STAG2: variants seen among roughly 807,000 people sequenced by gnomAD.
STAG2 encodes the protein cohesin subunit SA-2.
A neutral mutation model predicts 108.1 loss-of-function variants in STAG2; 14 were observed. The ratio of observed to expected loss-of-function variants is 0.13; its 90% confidence interval spans 0.09 to 0.20. STAG2 has a LOEUF of 0.20. STAG2 is among the 10% of genes least tolerant of loss of function. The probability of loss-of-function intolerance (pLI) is 1.00; values close to 1 mark genes in which losing one functional copy is unlikely to be tolerated. For missense variants in STAG2, 440 were observed against 940.9 expected (o/e 0.47, Z 6.96); for synonymous variants, 307 against 302.7 (o/e 1.01, Z -0.15).
At position 124,062,907 on chromosome X, in the gene STAG2, T is replaced by C. The variant is rs1459603090; in HGVS notation, c.1644T>C (p.Leu548=). The C allele has an allele frequency of 8.3e-7, 1 of 1,207,963 alleles. No homozygotes were observed. Among genetic ancestry groups the C allele is most frequent in the Admixed American group, 2.2e-5 (1 of 45,946 alleles). ...PVGRGTGKRV[L]TAKEKKTQLD... Reference sequence around the variant, plus strand: ...AAGTCTTTCTGTTCCTTTAGGTGCTTACAGCAAAGGAGAAGAAGACACAGT... The same window carrying C: ...AAGTCTTTCTGTTCCTTTAGGTGCTCACAGCAAAGGAGAAGAAGACACAGT... The change falls in exon 18 of 35, where the codon CTT becomes CTC. Residue 548 remains leucine (L), a synonymous_variant. Coordinates refer to ENST00000371145, the MANE Select transcript of STAG2 (RefSeq NM_001042750.2).
At chrX:124,024,969 T>C (rs1291063291) in intron 3 of STAG2, among the ~76,000 whole-genome samples, 1 of 111,805 alleles carries the variant, frequency 8.9e-6, no homozygotes, top group Admixed American at 9.6e-5. Context: ...GATAGACTCA[T>C]GTTTACTCAT....
intron 30 of STAG2, among the ~76,000 whole-genome samples, 154 bp downstream of exon 30, chrX:124,086,924 A>G (rs963969536): frequency 2.7e-5 from 3 of 112,854 alleles, no homozygotes; most frequent in Admixed American, 9.3e-5. Context: ...GGCATTTTAG[A>G]TACATAAACT....
chrX:123,980,897 C>CT (rs1019159210), intron 1 of STAG2, among the ~76,000 whole-genome samples: 1 of 110,287 alleles, frequency 9.1e-6, no homozygotes, highest in East Asian at 2.8e-4. Flanking sequence ...AAAAGGAAAA[C>CT]TTTTTTTTTC....
chrX:124,061,999 A>G lies in STAG2; in HGVS notation c.1638+125A>G. On this transcript the variant is annotated intron_variant, in intron 17 of 34. Coordinates refer to ENST00000371145, the MANE Select transcript of STAG2 (RefSeq NM_001042750.2). ...TTTTTCAGACAACCTTTGCTTATAA[A>G]TTTGTTAGAGGTAAATTTTAAAGCA... The G allele has an allele frequency of 7.2e-6, 4 of 557,380 alleles. No individual in the cohort carries two copies. The South Asian group carries it at 1.4e-4, about 20-fold the overall frequency. 45.9% of individuals were successfully genotyped at this position (557,380 alleles called of 1,213,427 possible).
intron 33 of STAG2, among the ~76,000 whole-genome samples, chrX:124,094,493 A>G (rs901110912): frequency 2.7e-5 from 3 of 112,306 alleles, no homozygotes; most frequent in Admixed American, 9.5e-5. Flanking sequence ...AAAGTATACC[A>G]TTATCAAAAC....
intron 26 of STAG2, 33 bp downstream of exon 26, chrX:124,076,504 T>C (rs773572189): frequency 8.9e-5 from 99 of 1,108,730 alleles, no homozygotes; most frequent in South Asian, 5.8e-4. Flanking sequence ...AAGATAGTTT[T>C]AAAATGCAAC....
At chrX:124,029,078 G>A (rs1348999913) in intron 4 of STAG2, among the ~76,000 whole-genome samples, 1 of 104,901 alleles carries the variant, frequency 9.5e-6, no homozygotes, top group Non-Finnish European at 1.9e-5. Context: ...GTGCAGTGGC[G>A]CAGTCTTGGC....
chrX:124,038,144 T>G, intron 6 of STAG2, among the ~76,000 whole-genome samples: 1 of 112,461 alleles, frequency 8.9e-6, no homozygotes, highest in Non-Finnish European at 1.9e-5. Context: ...TGTTTTCACT[T>G]TATTTTAAAA....
intron 1 of STAG2, among the ~76,000 whole-genome samples, chrX:123,990,535 T>G (rs1236940266): frequency 9.0e-6 from 1 of 111,617 alleles, no homozygotes; most frequent in East Asian, 2.8e-4. Context: ...AACTTTACTA[T>G]GTACATATTT....
intron 1 of STAG2, among the ~76,000 whole-genome samples, chrX:123,988,336 ATTATT>A (rs770478558): frequency 9.0e-6 from 1 of 111,055 alleles, no homozygotes; most frequent in African/African-American, 3.3e-5. Context: ...CTATTATTTT[ATTATT>A]TTCTTCTTCT....
In STAG2 at chrX:124,095,414, G is replaced by C; in HGVS notation, c.3748G>C (p.Asp1250His). The C allele has an allele frequency of 8.3e-7, 1 of 1,209,683 alleles. No individual in the cohort carries two copies. Among genetic ancestry groups the C allele is most frequent in the Non-Finnish European group, 1.1e-6 (1 of 893,567 alleles). The change falls in exon 34 of 35, where the codon GAT becomes CAT. Residue 1250 changes from aspartate to histidine, a missense_variant. Around this residue, in one of 3 missense-constraint regions of STAG2, gnomAD observed 337 missense variants for 649.3 expected, o/e 0.52. Coordinates refer to ENST00000371145, the MANE Select transcript of STAG2 (RefSeq NM_001042750.2). ...NRRERTELKP[D>H]FFDPASIMDE... ...ACGAGAGAGAACAGAACTGAAGCCT[G>C]ATTTCTTTGATCCAGCTTCAATTAT...
At chrX:123,961,672 C>A (rs1166285665), upstream of STAG2, 1 of 97,374 alleles carries the variant, frequency 1.0e-5, no homozygotes. Flanking sequence ...CTTCTCCCTT[C>A]CCCTCCTCCC....
At chrX:123,990,593 A>G (rs1266759584) in intron 1 of STAG2, among the ~76,000 whole-genome samples, 1 of 111,813 alleles carries the variant, frequency 8.9e-6, no homozygotes. Flanking sequence ...TTTTGTTCTC[A>G]ATGTCCACAG....
intron 1 of STAG2, among the ~76,000 whole-genome samples, chrX:123,996,640 CAT>C (rs1364357401): frequency 1.2e-4 from 13 of 111,809 alleles, no homozygotes; most frequent in African/African-American, 3.3e-4. Context: ...TACATGGAGT[CAT>C]ATAGTAAGTA....
At position 123,991,801 on chromosome X, in the gene STAG2, A is replaced by T. The variant is rs188500488; in HGVS notation, c.-162-29566A>T. Reference sequence around the variant, plus strand: ...CGCCTCAGCCTTCCGAGTAGCTGGGATTACAGGTGCACGCCACCACGCCCA... The same window carrying T: ...CGCCTCAGCCTTCCGAGTAGCTGGGTTTACAGGTGCACGCCACCACGCCCA... On this transcript the variant is annotated intron_variant, in intron 1 of 34. Coordinates refer to ENST00000371145, the MANE Select transcript of STAG2 (RefSeq NM_001042750.2). 7.4e-3 allele frequency among the ~76,000 whole-genome samples: 814 copies of T among 110,012 alleles called. 7 individuals carry two copies. The highest frequency in any genetic ancestry group is 0.025 in the African/African-American group (766 of 30,097).
intron 6 of STAG2, among the ~76,000 whole-genome samples, chrX:124,039,888 G>A (rs1025388019): frequency 2.7e-5 from 3 of 110,145 alleles, no homozygotes; most frequent in African/African-American, 9.9e-5. Flanking sequence ...GCATCAGTTT[G>A]TTTACAAATC....
chrX:124,025,989 C>T, intron 4 of STAG2, 71 bp downstream of exon 4: 1 of 809,296 alleles, frequency 1.2e-6, no homozygotes, highest in South Asian at 2.8e-5. Flanking sequence ...AGTTATGTCT[C>T]AGATAGTTTT....
At chrX:124,061,092 T>G in intron 15 of STAG2, 132 bp from the exon 16 acceptor site, 1 of 404,946 alleles carries the variant, frequency 2.5e-6, no homozygotes. Flanking sequence ...TCTCTGTCCT[T>G]TCATCTATTT....
rs1264734073 is a variant in STAG2, at chrX:124,061,253, T to C, written c.1446T>C (p.Asp482=). ...ELHEHAAYLV[D]SMWDCATELL... is the part of the protein sequence containing the mutation. Reference sequence around the variant, plus strand: ...ATGAGCATGCAGCATACCTTGTGGATAGCATGTGGGACTGTGCTACTGAGC... The same window carrying C: ...ATGAGCATGCAGCATACCTTGTGGACAGCATGTGGGACTGTGCTACTGAGC... The change falls in exon 16 of 35, where the codon GAT becomes GAC. Residue 482 remains aspartate (D), a synonymous_variant. Transcript: ENST00000371145. 2.5e-6 allele frequency: 3 copies of C among 1,205,765 alleles called. No homozygotes were observed. The highest frequency in any genetic ancestry group is 3.4e-6 in the Non-Finnish European group (3 of 893,191).
Sources: gnomAD v4.1 joint callset for allele counts (sites outside exome capture counted in the v4.1 genomes callset) on GRCh38, gnomAD v4.1.1 for gene constraint, gnomAD v4.1.1 regional missense constraint, MANE v1.5 for transcripts, NCBI Gene and HGNC (gene_info 2026-07-23, HGNC 2026-07-21) for gene names.